The following CIMIP6 variants were observed in gnomAD, a reference collection of about 807,000 sequenced individuals.
CIMIP6 encodes uncharacterized protein C2orf73.
chr2:54,334,688 TA>T, the CIMIP6 span: 1 of 678,608 alleles, frequency 1.5e-6, no homozygotes, highest in Non-Finnish European at 2.5e-6. Context: ...CACAAACCCT[TA>T]TAACTATTAA....
chr2:54,365,912 C>T, the CIMIP6 span, among the ~76,000 whole-genome samples: 5 of 151,966 alleles, frequency 3.3e-5, no homozygotes, highest in Admixed American at 3.3e-4. Context: ...CAAAATGCAA[C>T]ACAAAAAGAT....
the CIMIP6 span, among the ~76,000 whole-genome samples, chr2:54,352,118 C>T: frequency 6.6e-6 from 1 of 152,062 alleles, no homozygotes. Context: ...AGTATTTGAT[C>T]AAAATTTTTT....
At chr2:54,359,782 T>C in the CIMIP6 span, among the ~76,000 whole-genome samples, 2 of 152,206 alleles carry the variant, frequency 1.3e-5, no homozygotes, top group Admixed American at 1.3e-4. Context: ...TATTTTATTA[T>C]TACTTAGCTT....
At chr2:54,354,617 A>G in the CIMIP6 span, among the ~76,000 whole-genome samples, 4 of 152,042 alleles carry the variant, frequency 2.6e-5, no homozygotes, top group East Asian at 1.9e-4. Flanking sequence ...TTTTCATTAT[A>G]TCTTCTAGTA....
the CIMIP6 span, among the ~76,000 whole-genome samples, chr2:54,345,410 G>A: frequency 2.0e-5 from 3 of 152,142 alleles, no homozygotes; most frequent in Non-Finnish European, 4.4e-5. Context: ...CCTGTGCTTG[G>A]TAAGAATGAT....
chr2:54,371,276 T>C, the CIMIP6 span, among the ~76,000 whole-genome samples: 3 of 152,090 alleles, frequency 2.0e-5, no homozygotes, highest in Non-Finnish European at 4.4e-5. Flanking sequence ...AGCTCAGTCA[T>C]AGAGGAGACC....
chr2:54,334,751 T>C, the CIMIP6 span: 644 of 1,071,200 alleles, frequency 6.0e-4, no homozygotes, highest in Non-Finnish European at 6.9e-4. Flanking sequence ...AATCTTATTT[T>C]ACATAATTTT....
chr2:54,358,980 C>G, the CIMIP6 span: 4 of 1,545,080 alleles, frequency 2.6e-6, no homozygotes, highest in Non-Finnish European at 3.5e-6. Flanking sequence ...TCTCCTGGTA[C>G]ATCAGCAGAA....
At chr2:54,352,030 A>G in the CIMIP6 span, among the ~76,000 whole-genome samples, 2 of 152,146 alleles carry the variant, frequency 1.3e-5, no homozygotes, top group Non-Finnish European at 2.9e-5. Context: ...TGTAAATCTA[A>G]TAAACTCAGA....
At chr2:54,338,167 CTCACACCTG>C in the CIMIP6 span, among the ~76,000 whole-genome samples, 148 of 152,112 alleles carry the variant, frequency 9.7e-4, no homozygotes, top group Middle Eastern at 3.4e-3. Context: ...GGCACAGTGG[CTCACACCTG>C]TAATCCCAAC....
At chr2:54,351,022 G>T in the CIMIP6 span, among the ~76,000 whole-genome samples, 1 of 152,258 alleles carries the variant, frequency 6.6e-6, no homozygotes, top group African/African-American at 2.4e-5. Context: ...AGTTACTTAT[G>T]ATTTAAATAT....
At chr2:54,355,574 ATTTC>A in the CIMIP6 span, among the ~76,000 whole-genome samples, 1 of 150,960 alleles carries the variant, frequency 6.6e-6, no homozygotes, top group African/African-American at 2.4e-5. Flanking sequence ...CCTTCCCTCT[ATTTC>A]TTCTTAGTTC....
At chr2:54,381,049 C>A in the CIMIP6 span, among the ~76,000 whole-genome samples, 2 of 152,080 alleles carry the variant, frequency 1.3e-5, no homozygotes, top group South Asian at 2.1e-4. Context: ...TTAATTATAT[C>A]ATTCATCTCT....
At chr2:54,334,914 T>G in the CIMIP6 span, 4 of 1,583,762 alleles carry the variant, frequency 2.5e-6, no homozygotes, top group African/African-American at 5.4e-5. Flanking sequence ...TCATTCAAAA[T>G]CACATGTTGG....
chr2:54,335,629 C>CT, the CIMIP6 span, among the ~76,000 whole-genome samples: 1 of 152,158 alleles, frequency 6.6e-6, no homozygotes, highest in African/African-American at 2.4e-5. Context: ...ATTCCATTAT[C>CT]TTTTTTACAA....
chr2:54,334,144 C>A, the CIMIP6 span, among the ~76,000 whole-genome samples: 13 of 151,984 alleles, frequency 8.6e-5, no homozygotes, highest in Admixed American at 7.2e-4. Flanking sequence ...AAAAATACTG[C>A]CTTTTATAAT....
At chr2:54,383,067 G>A in the CIMIP6 span, 1 of 152,210 alleles carries the variant, frequency 6.6e-6, no homozygotes, top group Non-Finnish European at 1.5e-5. Context: ...TGGCTCTGTG[G>A]GAAGCCTATG....
chr2:54,366,865 T>A, the CIMIP6 span, among the ~76,000 whole-genome samples: 7 of 152,152 alleles, frequency 4.6e-5, no homozygotes, highest in Non-Finnish European at 7.4e-5. Flanking sequence ...ATAATACTTA[T>A]ATAACTGTAC....
chr2:54,354,544 C>G, the CIMIP6 span, among the ~76,000 whole-genome samples: 1 of 152,044 alleles, frequency 6.6e-6, no homozygotes, highest in Admixed American at 6.5e-5. Flanking sequence ...CTTGTGAATG[C>G]TTTTTTAATT....
Sources: gnomAD v4.1 joint callset for allele counts (sites outside exome capture counted in the v4.1 genomes callset) on GRCh38, gnomAD v4.1.1 for gene constraint, MANE v1.5 for transcripts, NCBI Gene and HGNC (gene_info 2026-07-23, HGNC 2026-07-21) for gene names.